The following CLMN variants were observed in gnomAD, a reference collection of about 807,000 sequenced individuals.
The protein encoded by CLMN is calmin, also known as calmin (calponin-like, transmembrane).
Under a neutral mutation model 92.7 loss-of-function variants are expected in CLMN, and 57 were observed. That is an observed-to-expected ratio of 0.61 (90% confidence interval 0.50 to 0.77). The LOEUF (loss-of-function observed/expected upper bound fraction) is 0.77, where lower values mean the gene tolerates loss of function less well. Among genes scored for constraint, CLMN ranks in the 30% least tolerant of loss-of-function variants. The probability of loss-of-function intolerance (pLI) is 0.00; values close to 1 mark genes in which losing one functional copy is unlikely to be tolerated. For missense variants in CLMN, 1,158 were observed against 1,237.5 expected (o/e 0.94, Z 0.96); for synonymous variants, 466 against 470.6 (o/e 0.99, Z 0.13).
Position 95,283,041 on chromosome 14 carries a change from G to A in CLMN, c.82+36670C>T, listed in dbSNP as rs567170936. ...CCAGCCCTGTGCTCCATGGCATGATGCTGTGGTGATATGGTTTGTGTCCCC... is the reference window on the plus strand; with the variant it reads ...CCAGCCCTGTGCTCCATGGCATGATACTGTGGTGATATGGTTTGTGTCCCC... On this transcript the variant is annotated intron_variant, in intron 1 of 12. Transcript: ENST00000298912. 9.2e-5 allele frequency among the ~76,000 whole-genome samples: 14 copies of A among 152,352 alleles called. No individual in the cohort carries two copies. The East Asian group carries it at 9.6e-4, about 10-fold the overall frequency.
intron 1 of CLMN, among the ~76,000 whole-genome samples, chr14:95,275,440 C>G (rs1035291202): frequency 2.6e-5 from 4 of 152,124 alleles, no homozygotes; most frequent in African/African-American, 9.7e-5. Context: ...ACAAGACACT[C>G]CCACCAGCAC....
chr14:95,315,802 A>G (rs1421329611), intron 1 of CLMN, among the ~76,000 whole-genome samples: 4 of 152,244 alleles, frequency 2.6e-5, no homozygotes, highest in African/African-American at 9.6e-5. Context: ...TTCAAGCTAC[A>G]GTCTGGCTGG....
In CLMN at chr14:95,204,371, G is replaced by T. The variant is rs111287470; in HGVS notation, c.978C>A (p.Phe326Leu). 3.4e-5 allele frequency: 55 copies of T among 1,613,862 alleles called. No individual in the cohort carries two copies. The highest frequency in any genetic ancestry group is 4.7e-5 in the Non-Finnish European group (55 of 1,180,002). ...TACGCTCCCCATTTTCAGTCAGAACGAAGACTTTGCTCTCCTGTTCAGAAG... is the reference window on the plus strand; with the variant it reads ...TACGCTCCCCATTTTCAGTCAGAACTAAGACTTTGCTCTCCTGTTCAGAAG... ...ETPSEQESKV[F>L]VLTENGERTY... is the part of the protein sequence containing the mutation. Residue 326 changes from phenylalanine (F) to leucine (L), a missense_variant, in exon 9 of 13, where the codon TTC (phenylalanine) becomes TTA (leucine). Coordinates refer to ENST00000298912, the MANE Select transcript of CLMN (RefSeq NM_024734.4).
At chr14:95,253,496 T>C (rs545228156) in intron 1 of CLMN, among the ~76,000 whole-genome samples, 2 of 152,296 alleles carry the variant, frequency 1.3e-5, no homozygotes, top group South Asian at 2.1e-4. Context: ...ATTACAAATA[T>C]GGATCAAGTC....
rs5810716 is a variant in CLMN, at chr14:95,206,954, CTT to C, written c.885+2439_885+2440del. On this transcript the variant is annotated intron_variant, in intron 8 of 12. Transcript: ENST00000298912. Reference sequence around the variant, plus strand: ...TTGAATTGCAAAATAATAATCACTACTTTTTTTTTTTTGCTTAAAACAACAAA... The same window carrying C: ...TTGAATTGCAAAATAATAATCACTACTTTTTTTTTTGCTTAAAACAACAAA... Among the ~76,000 whole-genome samples, 3 of 147,870 alleles carry C rather than the reference CTT, an allele frequency of 2.0e-5. No individual in the cohort carries two copies. In the South Asian group the frequency reaches 6.4e-4, roughly 32 times the overall value.
chr14:95,316,918 T>C (rs1595129545), intron 1 of CLMN, among the ~76,000 whole-genome samples: 1 of 152,246 alleles, frequency 6.6e-6, no homozygotes, highest in East Asian at 1.9e-4. Flanking sequence ...TCAATCCCTA[T>C]GATTAGAGAT....
intron 1 of CLMN, among the ~76,000 whole-genome samples, chr14:95,295,311 G>A (rs1900757188): frequency 1.3e-5 from 2 of 152,220 alleles, no homozygotes; most frequent in African/African-American, 2.4e-5. Context: ...AGAGCCATTG[G>A]TTGTGAAGGC....
intron 1 of CLMN, among the ~76,000 whole-genome samples, chr14:95,268,044 G>A (rs1170217610): frequency 1.3e-5 from 2 of 152,114 alleles, no homozygotes; most frequent in East Asian, 3.9e-4. Context: ...ATGAAGAGAA[G>A]TTGATTAATG....
Position 95,274,978 on chromosome 14 carries a change from CAA to C in CLMN, c.82+44731_82+44732del, listed in dbSNP as rs5810718. Among the ~76,000 whole-genome samples, 501 of 76,296 alleles carry C rather than the reference CAA, an allele frequency of 6.6e-3. 4 individuals are homozygous for C. Among genetic ancestry groups the C allele is most frequent in the African/African-American group, 0.021 (466 of 22,454 alleles). 50.1% of individuals were successfully genotyped at this position (76,296 alleles called of 152,430 possible). A position where few individuals can be genotyped will look rare whatever the true frequency, so the allele number is the denominator to read the frequency against. ...CTGACGACAGGGCAACACTCTGTCTCAAAAAAAAAAAAAAAAAAAGTCACTCA... is the reference window on the plus strand; with the variant it reads ...CTGACGACAGGGCAACACTCTGTCTCAAAAAAAAAAAAAAAAAGTCACTCA... On this transcript the variant is annotated intron_variant, in intron 1 of 12. Transcript: ENST00000298912.
rs1294316115 is a variant in CLMN, at chr14:95,294,232, T to C, written c.82+25479A>G. ...ACTATGTGCCAGGGACTGGACAGAC[T>C]ACAAAGATGAGGAAAAGGCATGGCC... On this transcript the variant is annotated intron_variant, in intron 1 of 12. Transcript: ENST00000298912. This position sits in a 1 kb window ranked among gnomAD's most constrained non-coding sequence, Gnocchi z 4.2. Among the ~76,000 whole-genome samples, 2 of 152,192 alleles carry C rather than the reference T, an allele frequency of 1.3e-5. No individual in the cohort carries two copies. The highest frequency in any genetic ancestry group is 4.8e-5 in the African/African-American group (2 of 41,444).
intron 1 of CLMN, among the ~76,000 whole-genome samples, chr14:95,245,212 A>ATATATAT (rs1898454957): frequency 3.2e-5 from 1 of 31,006 alleles, no homozygotes; most frequent in African/African-American, 1.9e-4. Flanking sequence ...TATATATTAT[A>ATATATAT]TATATATATA....
intron 10 of CLMN, among the ~76,000 whole-genome samples, chr14:95,195,952 C>T (rs963378139): frequency 2.6e-5 from 4 of 152,182 alleles, no homozygotes; most frequent in Non-Finnish European, 5.9e-5. Context: ...TCTCATTATC[C>T]TCCCTGCTCC....
intron 1 of CLMN, among the ~76,000 whole-genome samples, chr14:95,314,203 G>A (rs554273387): frequency 2.0e-5 from 3 of 152,352 alleles, no homozygotes; most frequent in South Asian, 4.1e-4. Flanking sequence ...CTGATGGCGG[G>A]CTGGCCACTA....
intron 1 of CLMN, among the ~76,000 whole-genome samples, chr14:95,290,707 AT>A (rs1315147047): frequency 6.6e-6 from 1 of 152,224 alleles, no homozygotes; most frequent in African/African-American, 2.4e-5. Context: ...GAGATGCCAC[AT>A]CTGCATTGCT....
chr14:95,233,553 T>C (rs1897957587), intron 1 of CLMN, among the ~76,000 whole-genome samples: 1 of 152,118 alleles, frequency 6.6e-6, no homozygotes, highest in Non-Finnish European at 1.5e-5. Flanking sequence ...AAACCAGAGA[T>C]GAAGAATTAA....
intron 9 of CLMN, among the ~76,000 whole-genome samples, chr14:95,197,821 G>C (rs766513641): frequency 2.0e-5 from 3 of 151,958 alleles, no homozygotes; most frequent in Non-Finnish European, 4.4e-5. Flanking sequence ...GCATTAGAGC[G>C]GCCAGGCCAT....
At chr14:95,310,607 G>A (rs923821160) in intron 1 of CLMN, among the ~76,000 whole-genome samples, 2 of 152,194 alleles carry the variant, frequency 1.3e-5, no homozygotes, top group African/African-American at 4.8e-5. Context: ...TCCATGTTAG[G>A]GGCTGGCAGG....
chr14:95,275,757 T>C (rs778675884), intron 1 of CLMN, among the ~76,000 whole-genome samples: 2 of 152,148 alleles, frequency 1.3e-5, no homozygotes, highest in Non-Finnish European at 2.9e-5. Flanking sequence ...CTGCCTCCCA[T>C]GCTCAAGTGA....
chr14:95,243,683 T>C (rs546286372), intron 1 of CLMN, among the ~76,000 whole-genome samples: 21 of 150,702 alleles, frequency 1.4e-4, no homozygotes, highest in Non-Finnish European at 2.9e-4. Flanking sequence ...AATTTTTCAA[T>C]AGATCAAATT....
Sources: allele counts gnomAD v4.1 joint callset (sites outside exome capture counted in the v4.1 genomes callset), GRCh38; gene constraint gnomAD v4.1.1; non-coding constraint Gnocchi (gnomAD v3.1); transcripts MANE v1.5; gene names NCBI Gene and HGNC (gene_info 2026-07-23, HGNC 2026-07-21).